The following AR variants were observed in gnomAD, a reference collection of about 807,000 sequenced individuals.
AR encodes the protein androgen receptor, also known as dihydrotestosterone receptor.
In AR, 8 loss-of-function variants were observed where a neutral mutation model predicts 53.9. That is an observed-to-expected ratio of 0.15 (90% CI 0.09 to 0.27). AR has a LOEUF of 0.27. AR is among the 10% of genes least tolerant of loss of function. The pLI, the probability that AR is intolerant of heterozygous loss-of-function variation, is 1.00. For missense variants in AR, 639 were observed against 742.5 expected (o/e 0.86, Z 1.62); for synonymous variants, 359 against 316.4 (o/e 1.13, Z -1.43).
chrX:67,714,956 C>T (rs923906820), intron 4 of AR, among the ~76,000 whole-genome samples: 4 of 111,585 alleles, frequency 3.6e-5, no homozygotes, highest in Non-Finnish European at 7.5e-5. Flanking sequence ...TCATTAAGGA[C>T]GGTTAATTAA....
intron 1 of AR, among the ~76,000 whole-genome samples, chrX:67,623,305 T>A (rs1337058677): frequency 9.0e-6 from 1 of 111,427 alleles, no homozygotes; most frequent in Non-Finnish European, 1.9e-5. Flanking sequence ...AAGAAAAACT[T>A]CGGTAAGCTC....
At position 67,727,707 on chromosome X, in the gene AR, C is replaced by T. The variant is rs751423223; in HGVS notation, c.*3866C>T. The stretch of plus-strand genomic sequence containing the variant: ...CTCTCCAGACAGCCCAGTAACTACC[C>T]GAGCATGGCCCCTGCATAGCCCTGG... On this transcript the variant is annotated 3_prime_UTR_variant, in exon 8 of 8. Transcript: ENST00000374690. 34 of 171,102 alleles carry T rather than the reference C, an allele frequency of 2.0e-4. No homozygotes were observed. The highest frequency in any genetic ancestry group is 7.4e-4 in the African/African-American group (25 of 33,827). 14.1% of individuals were successfully genotyped at this position (171,102 alleles called of 1,213,427 possible).
At chrX:67,656,434 A>T (rs1926595420) in intron 2 of AR, among the ~76,000 whole-genome samples, 1 of 111,270 alleles carries the variant, frequency 9.0e-6, no homozygotes, top group South Asian at 3.8e-4. Context: ...AACAATCCTA[A>T]CCAAGACTGG....
At chrX:67,643,728 G>C (rs1388480587) in intron 2 of AR, among the ~76,000 whole-genome samples, 1 of 111,951 alleles carries the variant, frequency 8.9e-6, no homozygotes, top group Non-Finnish European at 1.9e-5. Flanking sequence ...TACTCTGCTG[G>C]CTAGTAAAGG....
intron 1 of AR, among the ~76,000 whole-genome samples, chrX:67,614,908 A>C (rs1318891971): frequency 3.6e-5 from 4 of 111,231 alleles, no homozygotes; most frequent in South Asian, 3.7e-4. Flanking sequence ...TAAAAAAAGA[A>C]AAAAATGGAA....
At position 67,650,070 on chromosome X, in the gene AR, A is replaced by T. The variant is rs761230598; in HGVS notation, c.1768+6663A>T. On this transcript the variant is annotated intron_variant, in intron 2 of 7. Coordinates refer to ENST00000374690, the MANE Select transcript of AR (RefSeq NM_000044.6). ...CAAGGCAATAAGAGAGGACACAAAC[A>T]AAAGGAGAAACATTCCATGCTCATG... 2.7e-5 allele frequency among the ~76,000 whole-genome samples: 3 copies of T among 112,199 alleles called. No homozygotes were observed. In the South Asian group the frequency reaches 1.1e-3, roughly 42 times the overall value.
Position 67,545,587 on chromosome X carries a change from G to A in AR, c.441G>A (p.Gln147=), listed in dbSNP as rs1366485663. 1 of 1,185,054 alleles carries A rather than the reference G, an allele frequency of 8.4e-7. No homozygotes were observed. Among genetic ancestry groups the A allele is most frequent in the Admixed American group, 2.4e-5 (1 of 42,018 alleles). ...TGGCCGCCAGCAAGGGGCTGCCGCA[G>A]CAGCTGCCAGCACCTCCGGACGAGG... ...AAVAASKGLP[Q]QLPAPPDEDD... The change falls in exon 1 of 8, where the codon CAG becomes CAA. Residue 147 remains glutamine, a synonymous_variant. Transcript: ENST00000374690.
intron 1 of AR, among the ~76,000 whole-genome samples, chrX:67,600,365 A>C (rs1391492158): frequency 9.0e-6 from 1 of 111,698 alleles, no homozygotes; most frequent in Non-Finnish European, 1.9e-5. Context: ...CGTCATAAAA[A>C]AATGAGACCC....
chrX:67,647,086 A>G (rs998098216), intron 2 of AR, among the ~76,000 whole-genome samples: 31 of 111,686 alleles, frequency 2.8e-4, no homozygotes, highest in African/African-American at 8.5e-4. Context: ...TGTTTCAAAG[A>G]GGGTTAATTA....
chrX:67,578,306 C>CA (rs1169597397), intron 1 of AR, among the ~76,000 whole-genome samples: 1 of 111,513 alleles, frequency 9.0e-6, no homozygotes, highest in Non-Finnish European at 1.9e-5. Context: ...AGAAGTATCT[C>CA]AACTAAAACT....
chrX:67,630,571 G>T (rs1187579233), intron 1 of AR, among the ~76,000 whole-genome samples: 1 of 111,157 alleles, frequency 9.0e-6, no homozygotes, highest in African/African-American at 3.3e-5. Flanking sequence ...ACAGCACACT[G>T]ATGGGTCTTG....
At chrX:67,642,226 C>T (rs968568223) in intron 1 of AR, among the ~76,000 whole-genome samples, 8 of 111,664 alleles carry the variant, frequency 7.2e-5, no homozygotes, top group Non-Finnish European at 1.1e-4. Flanking sequence ...CAGATGTAAC[C>T]CAGAATGTCA....
chrX:67,644,650 A>G (rs1312087283), intron 2 of AR, among the ~76,000 whole-genome samples: 5 of 111,920 alleles, frequency 4.5e-5, no homozygotes, highest in African/African-American at 1.6e-4. Context: ...GCCAATCACA[A>G]TGATGAGTGT....
rs1261699053 is a variant in AR at position 67,722,875 on chromosome X, T to G, written c.2498T>G (p.Met833Arg). 1 of 1,210,831 alleles carries G rather than the reference T, an allele frequency of 8.3e-7. No individual in the cohort carries two copies. Among genetic ancestry groups the G allele is most frequent in the African/African-American group, 1.7e-5 (1 of 57,627 alleles). Reference sequence around the variant, plus strand: ...CAAAAATTCTTTGATGAACTTCGAATGAACTACATCAAGGAACTCGATCGT... The same window carrying G: ...CAAAAATTCTTTGATGAACTTCGAAGGAACTACATCAAGGAACTCGATCGT... ...KNQKFFDELR[M>R]NYIKELDRII... Residue 833 changes from methionine (M) to arginine (R), a missense_variant, in exon 7 of 8, where the codon ATG becomes AGG. By Grantham distance (91) the Met-to-Arg change is moderately conservative. Around this residue, in one of 5 missense-constraint regions of AR, gnomAD observed 95 missense variants for 196.4 expected, o/e 0.48. Transcript: ENST00000374690.
chrX:67,639,661 C>G (rs998311236), intron 1 of AR, among the ~76,000 whole-genome samples: 2 of 111,726 alleles, frequency 1.8e-5, no homozygotes, highest in African/African-American at 6.5e-5. Context: ...TTTTCGCACA[C>G]TGATTTTGTA....
At chrX:67,678,694 C>A (rs1366538457) in intron 2 of AR, among the ~76,000 whole-genome samples, 1 of 111,621 alleles carries the variant, frequency 9.0e-6, no homozygotes, top group East Asian at 2.8e-4. Flanking sequence ...CACCCTACAA[C>A]CTCAAGTAGG....
chrX:67,574,346 C>T (rs936603524), intron 1 of AR, among the ~76,000 whole-genome samples: 6 of 111,448 alleles, frequency 5.4e-5, no homozygotes, highest in African/African-American at 1.6e-4. Context: ...CAACCATTTA[C>T]ACACTTTCCA....
intron 1 of AR, among the ~76,000 whole-genome samples, chrX:67,552,803 T>C (rs1369108799): frequency 8.9e-6 from 1 of 112,267 alleles, no homozygotes; most frequent in East Asian, 2.8e-4. Flanking sequence ...TAATGTTCAG[T>C]ATCCATGTTC....
rs932889557 is a variant in AR at position 67,709,434 on chromosome X, C to T, written c.1886-1968C>T. 1.1e-4 allele frequency among the ~76,000 whole-genome samples: 12 copies of T among 112,505 alleles called. No homozygotes were observed. The South Asian group carries it at 1.5e-3, about 14-fold the overall frequency. On this transcript the variant is annotated intron_variant, in intron 3 of 7. Transcript: ENST00000374690. ...GATGCTCCATGGGCGTGGGACCCTC[C>T]GAGCCAGGTGTGGGATATAATCTCC...
Sources: gnomAD v4.1 joint callset for allele counts (sites outside exome capture counted in the v4.1 genomes callset) on GRCh38, gnomAD v4.1.1 for gene constraint, gnomAD v4.1.1 regional missense constraint, MANE v1.5 for transcripts, NCBI Gene and HGNC (gene_info 2026-07-23, HGNC 2026-07-21) for gene names.